Variants in TES observed in about 807,000 individuals in gnomAD.
The protein encoded by TES is testin LIM domain protein.
Under a neutral mutation model 48.2 loss-of-function variants are expected in TES, and 41 were observed. That is an observed-to-expected ratio of 0.85 (90% CI 0.66 to 1.10). The LOEUF (loss-of-function observed/expected upper bound fraction) is 1.10. TES is among the 50% of genes least tolerant of loss of function. The probability of loss-of-function intolerance (pLI) is 0.00; values close to 1 mark genes in which losing one functional copy is unlikely to be tolerated. For synonymous variants in TES, 162 were observed against 174.9 expected (o/e 0.93, Z 0.58); for missense variants, 463 against 515.1 (o/e 0.90, Z 0.98).
chr7:116,215,500 A>G (rs1040360547), intron 1 of TES, among the ~76,000 whole-genome samples: 2 of 152,186 alleles, frequency 1.3e-5, no homozygotes, highest in African/African-American at 4.8e-5. Context: ...ACGAAAAGTA[A>G]AAGTATTGTG....
At chr7:116,254,322 T>C (rs72603593) in intron 6 of TES, among the ~76,000 whole-genome samples, 49,303 of 151,790 alleles carry the variant, frequency 0.32, 8,280 homozygotes, top group East Asian at 0.57. Context: ...CTGCTTTTTT[T>C]TCTTTTTTTA....
In TES at chr7:116,213,460, AC is replaced by A. The variant is rs531386315; in HGVS notation, c.27+2727del. On this transcript the variant is annotated intron_variant, in intron 1 of 6. Transcript: ENST00000358204. ...GACAGATGAAAAGCATCATTGTTCC[AC>A]ATTAACATTTCATGTAAAAAGAATT... Among the ~76,000 whole-genome samples the A allele has an allele frequency of 1.7e-4, 26 of 152,380 alleles. No homozygotes were observed. The East Asian group carries it at 4.2e-3, about 25-fold the overall frequency.
chr7:116,239,254 G>C (rs1298488356), intron 2 of TES: 1 of 152,100 alleles, frequency 6.6e-6, no homozygotes, highest in African/African-American at 2.4e-5. Context: ...CTTCTGCTGC[G>C]AGCCAGAGAA....
rs1800030528 is a variant in TES, at chr7:116,252,436, A to G, written c.1037A>G (p.Lys346Arg). Residue 346 changes from lysine (K) to arginine (R), a missense_variant, in exon 6 of 7, where the codon AAG (lysine) becomes AGG (arginine). Physicochemically the swap from Lys to Arg is conservative, Grantham distance 26. Coordinates refer to ENST00000358204, the MANE Select transcript of TES (RefSeq NM_015641.4). ...AGEIYVMVND[K>R]PVCKPCYVKN... ...GAGATATACGTGATGGTCAATGACA[A>G]GCCCGTGTGCAAGCCCTGCTATGTG... 6.2e-7 allele frequency: 1 copy of G among 1,614,110 alleles called. No individual in the cohort carries two copies. Among genetic ancestry groups the G allele is most frequent in the Non-Finnish European group, 8.5e-7 (1 of 1,180,040 alleles).
chr7:116,211,912 C>A (rs1046988975), intron 1 of TES, among the ~76,000 whole-genome samples: 3 of 152,048 alleles, frequency 2.0e-5, no homozygotes, highest in African/African-American at 4.8e-5. Context: ...TCATTCCTTG[C>A]GACTAAAATT....
intron 1 of TES, among the ~76,000 whole-genome samples, chr7:116,224,161 T>C (rs1799591940): frequency 6.6e-6 from 1 of 152,112 alleles, no homozygotes; most frequent in Admixed American, 6.5e-5. Flanking sequence ...TAGAAGTGGG[T>C]CTCTCCCTAG....
intron 2 of TES, chr7:116,239,357 A>C (rs576167666): frequency 6.6e-6 from 1 of 152,256 alleles, no homozygotes; most frequent in Non-Finnish European, 1.5e-5. Context: ...TCATGAAAGT[A>C]ACACCAGGGG....
chr7:116,233,873 T>C (rs1563009073), intron 1 of TES, among the ~76,000 whole-genome samples: 1 of 152,134 alleles, frequency 6.6e-6, no homozygotes, highest in Non-Finnish European at 1.5e-5. Flanking sequence ...TCAGAAGAGA[T>C]GGAAGAGAGG....
chr7:116,234,672 T>G lies in TES; in HGVS notation c.113+53T>G, dbSNP rs972892706. 8.4e-6 allele frequency: 12 copies of G among 1,434,470 alleles called. No homozygotes were observed. The Admixed American group carries it at 8.4e-5, about 10-fold the overall frequency. 88.9% of individuals were successfully genotyped at this position (1,434,470 alleles called of 1,614,324 possible). A position where few individuals can be genotyped will look rare whatever the true frequency, so the allele number is the denominator to read the frequency against. On this transcript the variant is annotated intron_variant, in intron 2 of 6. Transcript: ENST00000358204. Reference sequence around the variant, plus strand: ...TAGTAATTTATACTTTTTGCAATACTTCCTCAGACAGTGGAGATATCTTCG... The same window carrying G: ...TAGTAATTTATACTTTTTGCAATACGTCCTCAGACAGTGGAGATATCTTCG...
At chr7:116,248,178 A>G (rs1250549166) in intron 2 of TES, among the ~76,000 whole-genome samples, 3 of 152,202 alleles carry the variant, frequency 2.0e-5, no homozygotes, top group Non-Finnish European at 2.9e-5. Context: ...ATAGTATTCT[A>G]TGGTGAATAT....
At position 116,228,775 on chromosome 7, in the gene TES, A is replaced by G. The variant is rs1799656505; in HGVS notation, c.28-5759A>G. ...TGCTGAATAATAACCAAACTAAGACACAGTTAATCTGACACATGATTTGCA... is the reference window on the plus strand; with the variant it reads ...TGCTGAATAATAACCAAACTAAGACGCAGTTAATCTGACACATGATTTGCA... On this transcript the variant is annotated intron_variant, in intron 1 of 6. Coordinates refer to ENST00000358204, the MANE Select transcript of TES (RefSeq NM_015641.4). 3.3e-5 allele frequency among the ~76,000 whole-genome samples: 5 copies of G among 152,176 alleles called. No individual in the cohort carries two copies. In the South Asian group the frequency reaches 1.0e-3, roughly 32 times the overall value.
In TES at chr7:116,245,031, C is replaced by T. The variant is rs569948337; in HGVS notation, c.114-3989C>T. Among the ~76,000 whole-genome samples, 36 of 152,228 alleles carry T rather than the reference C, an allele frequency of 2.4e-4. No homozygotes were observed. The South Asian group carries it at 2.5e-3, about 11-fold the overall frequency. ...GCAAGGGATCCCTGGGCGTGGTCCA[C>T]GACAGCATTTTTCCCTCCTAGGCCT... On this transcript the variant is annotated intron_variant, in intron 2 of 6. Coordinates refer to ENST00000358204, the MANE Select transcript of TES (RefSeq NM_015641.4).
At chr7:116,245,419 A>G (rs1799909219) in intron 2 of TES, among the ~76,000 whole-genome samples, 1 of 152,082 alleles carries the variant, frequency 6.6e-6, no homozygotes, top group African/African-American at 2.4e-5. Context: ...TCAGCTCCCA[A>G]CAAGTTCCTC....
chr7:116,255,158 A>G (rs994113212), intron 6 of TES: 1 of 152,172 alleles, frequency 6.6e-6, no homozygotes, highest in African/African-American at 2.4e-5. Flanking sequence ...AGTTACCCCC[A>G]GAATTCACAT....
At chr7:116,245,921 C>T (rs1799917519) in intron 2 of TES, among the ~76,000 whole-genome samples, 1 of 152,090 alleles carries the variant, frequency 6.6e-6, no homozygotes, top group South Asian at 2.1e-4. Flanking sequence ...GAAAAAGTCC[C>T]TTATAAAACC....
At chr7:116,225,834 G>A (rs1431281589) in intron 1 of TES, among the ~76,000 whole-genome samples, 3 of 152,222 alleles carry the variant, frequency 2.0e-5, no homozygotes, top group Non-Finnish European at 4.4e-5. Context: ...AACTGATTTA[G>A]GAAATAGGGC....
chr7:116,257,756 A>C lies in TES; in HGVS notation c.*274A>C. On this transcript the variant is annotated 3_prime_UTR_variant, in exon 7 of 7. Transcript: ENST00000358204. ...AATCATTTTTGGAAGCTTGGATCTCATTAAACTTCATGTCTCTATTCCATT... is the reference window on the plus strand; with the variant it reads ...AATCATTTTTGGAAGCTTGGATCTCCTTAAACTTCATGTCTCTATTCCATT... 4.2e-6 allele frequency: 1 copy of C among 240,774 alleles called. No homozygotes were observed. Among genetic ancestry groups the C allele is most frequent in the Non-Finnish European group, 8.0e-6 (1 of 125,010 alleles). 14.9% of individuals were successfully genotyped at this position (240,774 alleles called of 1,614,324 possible).
intron 2 of TES, among the ~76,000 whole-genome samples, chr7:116,242,151 T>C (rs1799856691): frequency 1.3e-5 from 2 of 152,188 alleles, no homozygotes; most frequent in Admixed American, 1.3e-4. Flanking sequence ...TGCTAATTAT[T>C]GGGATGCATG....
At chr7:116,223,060 G>A in intron 1 of TES, 1 of 923,230 alleles carries the variant, frequency 1.1e-6, no homozygotes, top group East Asian at 1.2e-4. Flanking sequence ...TCATACAGTA[G>A]TATAAAAATA....
Sources: gnomAD v4.1 joint callset for allele counts (sites outside exome capture counted in the v4.1 genomes callset) on GRCh38, gnomAD v4.1.1 for gene constraint, MANE v1.5 for transcripts, NCBI Gene and HGNC (gene_info 2026-07-23, HGNC 2026-07-21) for gene names.